The following FERMT1 variants were observed in gnomAD, a reference collection of about 807,000 sequenced individuals.
FERMT1 encodes fermitin family homolog 1.
Under a neutral mutation model 85.3 loss-of-function variants are expected in FERMT1, and 60 were observed. That is an observed-to-expected ratio of 0.70 (90% CI 0.57 to 0.87). FERMT1 has a LOEUF of 0.87. Ranked by LOEUF, FERMT1 falls within the 40% of genes least tolerant of loss-of-function variation. The pLI, the probability that FERMT1 is intolerant of heterozygous loss-of-function variation, is 0.00. For synonymous variants in FERMT1, 275 were observed against 301.1 expected (o/e 0.91, Z 0.90); for missense variants, 701 against 818.9 (o/e 0.86, Z 1.76).
At chr20:6,095,491 C>T (rs77797356) in intron 8 of FERMT1, among the ~76,000 whole-genome samples, 1 of 152,182 alleles carries the variant, frequency 6.6e-6, no homozygotes, top group Non-Finnish European at 1.5e-5. Flanking sequence ...GAGTGGGTAA[C>T]TCCTGCTACA....
intron 4 of FERMT1, among the ~76,000 whole-genome samples, chr20:6,111,619 A>C (rs1390287316): frequency 6.6e-6 from 1 of 151,966 alleles, no homozygotes; most frequent in Non-Finnish European, 1.5e-5. Flanking sequence ...GTGACAGAGC[A>C]AGACTCTGTC....
intron 13 of FERMT1, 39 bp from the exon 14 acceptor site, chr20:6,079,616 C>T: frequency 6.4e-7 from 1 of 1,570,368 alleles, no homozygotes; most frequent in Non-Finnish European, 8.8e-7. Flanking sequence ...GAAGCAACTG[C>T]TTCCTATAAT....
rs746385969 is a variant in FERMT1 at position 6,110,501 on chromosome 20, A to G, written c.543T>C (p.Gly181=). The change falls in exon 5 of 15, where the codon GGT becomes GGC. Residue 181 remains glycine, a synonymous_variant. Transcript: ENST00000217289. ...PTASGSSVSP[G]LYSKTMTPIY... is the part of the protein sequence containing the mutation. The stretch of plus-strand genomic sequence containing the variant: ...TAGGGGTCATGGTTTTACTGTATAA[A>G]CCAGGACTTACTGCAAGGCAGGGGG... 5 of 1,613,870 alleles carry G rather than the reference A, an allele frequency of 3.1e-6. No individual in the cohort carries two copies. In the South Asian group the frequency reaches 5.5e-5, roughly 18 times the overall value.
intron 2 of FERMT1, among the ~76,000 whole-genome samples, chr20:6,119,129 G>A (rs192427264): frequency 6.6e-6 from 1 of 152,104 alleles, no homozygotes; most frequent in Non-Finnish European, 1.5e-5. Context: ...TGTGTTTTTA[G>A]TAGGGATGGG....
chr20:6,110,774 C>T (rs908138508), intron 4 of FERMT1, among the ~76,000 whole-genome samples: 2 of 151,956 alleles, frequency 1.3e-5, no homozygotes, highest in African/African-American at 4.8e-5. Flanking sequence ...AACAAACAAA[C>T]AAACAAACAA....
intron 1 of FERMT1, among the ~76,000 whole-genome samples, chr20:6,121,850 C>T (rs1568668041): frequency 6.6e-6 from 1 of 152,206 alleles, no homozygotes; most frequent in Non-Finnish European, 1.5e-5. Context: ...ACTACGTGAA[C>T]TAAATTCTCA....
intron 6 of FERMT1, among the ~76,000 whole-genome samples, chr20:6,098,323 A>T (rs1982565600): frequency 6.6e-6 from 1 of 152,232 alleles, no homozygotes; most frequent in Non-Finnish European, 1.5e-5. Flanking sequence ...AGAATCCGAT[A>T]GGATTTTTTA....
At position 6,076,678 on chromosome 20, in the gene FERMT1, A is replaced by C; in HGVS notation, c.*495T>G. 3.0e-6 allele frequency: 1 copy of C among 332,402 alleles called. No individual in the cohort carries two copies. The highest frequency in any genetic ancestry group is 5.9e-6 in the Non-Finnish European group (1 of 168,144). The allele number at this position is 332,402 out of a possible 1,614,324, so 20.6% of individuals were successfully genotyped here. ...CTCCAGGGAAAAAGTGTGTGTAGGA[A>C]CTCCCTCTGCCATTTTGAAAAGACA... On this transcript the variant is annotated 3_prime_UTR_variant, in exon 15 of 15. Transcript: ENST00000217289.
chr20:6,085,124 T>C lies in FERMT1; in HGVS notation c.1535A>G (p.Asp512Gly), dbSNP rs1185229622. Residue 512 changes from aspartate to glycine, a missense_variant, in exon 12 of 15, where the codon GAT becomes GGT. Physicochemically the swap from Asp to Gly is moderately conservative, Grantham distance 94. Coordinates refer to ENST00000217289, the MANE Select transcript of FERMT1 (RefSeq NM_017671.5). ...TGACACAAAACATTCTGGGTTCATA[T>C]CCATGTTTTCGAGACTGGAAGCCAC... ...SQVASSLENMDMNPECFVSPR... is the reference protein window; with the variant it reads ...SQVASSLENMGMNPECFVSPR... 1.2e-6 allele frequency: 2 copies of C among 1,614,214 alleles called. No homozygotes were observed. Among genetic ancestry groups the C allele is most frequent in the South Asian group, 2.2e-5 (2 of 91,088 alleles).
At chr20:6,109,771 C>T (rs1240829421) in intron 5 of FERMT1, among the ~76,000 whole-genome samples, 4 of 152,038 alleles carry the variant, frequency 2.6e-5, no homozygotes, top group Admixed American at 6.6e-5. Flanking sequence ...CATGGTGGCG[C>T]ATGCCTGTAA....
chr20:6,110,482 T>C lies in FERMT1; in HGVS notation c.562A>G (p.Thr188Ala). 6.2e-7 allele frequency: 1 copy of C among 1,613,982 alleles called. No homozygotes were observed. The highest frequency in any genetic ancestry group is 8.5e-7 in the Non-Finnish European group (1 of 1,179,998). The change falls in exon 5 of 15, where the codon ACC becomes GCC. Residue 188 changes from threonine (T) to alanine (A), a missense_variant. Thr to Ala is a moderately conservative substitution (Grantham distance 58). Transcript: ENST00000217289. Reference sequence around the variant, plus strand: ...CCATTGATGGGGTCATATATAGGGGTCATGGTTTTACTGTATAAACCAGGA... The same window carrying C: ...CCATTGATGGGGTCATATATAGGGGCCATGGTTTTACTGTATAAACCAGGA... ...VSPGLYSKTMTPIYDPINGTP... is the reference protein window; with the variant it reads ...VSPGLYSKTMAPIYDPINGTP...
intron 10 of FERMT1, among the ~76,000 whole-genome samples, chr20:6,088,626 C>CT (rs11475498): frequency 1.6e-3 from 189 of 121,162 alleles, no homozygotes; most frequent in Non-Finnish European, 1.9e-3. Context: ...CTGCTCACCT[C>CT]TTTTTTTTTT....
rs1408072467 is a variant in FERMT1 at position 6,119,450 on chromosome 20, T to C, written c.105A>G (p.Gly35=). ...GCATCACTCCTCCAACATGAAGGTCTCCAGATACTCTCAGTGTGACGTCTT... is the reference window on the plus strand; with the variant it reads ...GCATCACTCCTCCAACATGAAGGTCCCCAGATACTCTCAGTGTGACGTCTT... ...QQKDVTLRVS[G]DLHVGGVMLK... Residue 35 remains glycine, a synonymous_variant, in exon 2 of 15, where the codon GGA becomes GGG. Transcript: ENST00000217289. 14 of 1,614,086 alleles carry C rather than the reference T, an allele frequency of 8.7e-6. No individual in the cohort carries two copies. The highest frequency in any genetic ancestry group is 1.1e-5 in the Non-Finnish European group (13 of 1,179,916).
chr20:6,121,453 C>T (rs991661291), intron 1 of FERMT1, among the ~76,000 whole-genome samples: 5 of 152,226 alleles, frequency 3.3e-5, no homozygotes, highest in African/African-American at 1.2e-4. Context: ...AAGCATGCAA[C>T]GATGCAATGC....
intron 9 of FERMT1, among the ~76,000 whole-genome samples, chr20:6,093,102 G>C (rs903710970): frequency 6.6e-6 from 1 of 151,902 alleles, no homozygotes; most frequent in Non-Finnish European, 1.5e-5. Context: ...CACTGTAATA[G>C]AAAGAACTTA....
chr20:6,103,448 G>T lies in FERMT1; in HGVS notation c.849+4084C>A, dbSNP rs575110968. Among the ~76,000 whole-genome samples, 332 of 152,284 alleles carry T rather than the reference G, an allele frequency of 2.2e-3. 2 individuals are homozygous for T. The highest frequency in any genetic ancestry group is 7.7e-3 in the African/African-American group (321 of 41,546). On this transcript the variant is annotated intron_variant, in intron 6 of 14. Transcript: ENST00000217289. ...GCTATAAACACCTAGGAGTGGATTT[G>T]CTGAATCAAAGCTATGTAGAACTGT...
Position 6,110,286 on chromosome 20 carries a change from C to A in FERMT1, c.746+12G>T. The A allele has an allele frequency of 1.9e-6, 3 of 1,604,022 alleles. No individual in the cohort carries two copies. The highest frequency in any genetic ancestry group is 2.6e-6 in the Non-Finnish European group (3 of 1,172,572). ...CTAGCTCAGAGAGAAGTAAAAGGAG[C>A]CGTGTCCTTACCCTGCATTGAGCTT... is the stretch of plus-strand genomic sequence containing the variant. On this transcript the variant is annotated intron_variant, in intron 5 of 14. Transcript: ENST00000217289.
chr20:6,088,356 G>A (rs1361708694), intron 10 of FERMT1, among the ~76,000 whole-genome samples: 1 of 152,170 alleles, frequency 6.6e-6, no homozygotes, highest in Non-Finnish European at 1.5e-5. Context: ...CTGGAATACA[G>A]AAAACTTTTC....
intron 2 of FERMT1, among the ~76,000 whole-genome samples, chr20:6,116,826 T>C (rs188283179): frequency 6.6e-6 from 1 of 152,276 alleles, no homozygotes. Flanking sequence ...TCACAATGAA[T>C]GCTAAAGTTC....
Sources: gnomAD v4.1 joint callset for allele counts (sites outside exome capture counted in the v4.1 genomes callset) on GRCh38, gnomAD v4.1.1 for gene constraint, MANE v1.5 for transcripts, NCBI Gene and HGNC (gene_info 2026-07-23, HGNC 2026-07-21) for gene names.